DSCAML1: variants seen among roughly 807,000 people sequenced by gnomAD.
DSCAML1 encodes cell adhesion molecule DSCAML1.
In DSCAML1, 38 loss-of-function variants were observed where a neutral mutation model predicts 200.5. That is an observed-to-expected ratio of 0.19 (90% CI 0.15 to 0.25). DSCAML1 has a LOEUF of 0.25. DSCAML1 is among the 10% of genes least tolerant of loss of function. DSCAML1 has a pLI of 1.00. For missense variants in DSCAML1, 2,223 were observed against 2,858.8 expected, an observed-to-expected ratio of 0.78 and a Z score of 5.07; for synonymous variants, 1,215 against 1,165.0, an observed-to-expected ratio of 1.04 and a Z score of -0.87.
At chr11:117,521,830 G>A (rs913524875) in intron 5 of DSCAML1, among the ~76,000 whole-genome samples, 4 of 152,182 alleles carry the variant, frequency 2.6e-5, no homozygotes, top group African/African-American at 9.7e-5. Flanking sequence ...GCTATGTGCT[G>A]CTGGTCTGAT....
At chr11:117,472,585 C>T (rs1824822479) in intron 14 of DSCAML1, among the ~76,000 whole-genome samples, 1 of 152,154 alleles carries the variant, frequency 6.6e-6, no homozygotes, top group African/African-American at 2.4e-5. Context: ...CCAGAGTCCC[C>T]AGTCCAAACC....
chr11:117,540,236 C>G (rs2050242963), intron 3 of DSCAML1, among the ~76,000 whole-genome samples: 1 of 152,174 alleles, frequency 6.6e-6, no homozygotes, highest in South Asian at 2.1e-4. Flanking sequence ...AGGTGAGTGG[C>G]AGGCGAGCGA....
chr11:117,688,297 G>T (rs1166573988), intron 3 of DSCAML1, among the ~76,000 whole-genome samples: 1 of 152,190 alleles, frequency 6.6e-6, no homozygotes, highest in Non-Finnish European at 1.5e-5. Context: ...GGCAGGCCTG[G>T]CAGCTCACCA....
intron 3 of DSCAML1, among the ~76,000 whole-genome samples, chr11:117,636,542 A>G (rs1035475983): frequency 1.3e-5 from 2 of 152,120 alleles, no homozygotes; most frequent in African/African-American, 4.8e-5. Context: ...CCCATGCCCC[A>G]CAGACACCAC....
chr11:117,515,522 T>C (rs568256002), intron 8 of DSCAML1, among the ~76,000 whole-genome samples: 1 of 151,274 alleles, frequency 6.6e-6, no homozygotes, highest in South Asian at 2.1e-4. Flanking sequence ...ATTCATTTGA[T>C]CCACAGACTT....
At chr11:117,599,362 T>G (rs898541130) in intron 3 of DSCAML1, among the ~76,000 whole-genome samples, 22 of 152,208 alleles carry the variant, frequency 1.4e-4, no homozygotes, top group African/African-American at 4.3e-4. Context: ...CCAAATGGCT[T>G]CTCCTAATCA....
intron 3 of DSCAML1, among the ~76,000 whole-genome samples, chr11:117,646,864 AAAAC>A (rs1356503356): frequency 1.3e-5 from 2 of 152,128 alleles, no homozygotes; most frequent in African/African-American, 4.8e-5. Context: ...GAAAAAAAAA[AAAAC>A]AAATCCAGAA....
chr11:117,570,256 T>G (rs2050826800), intron 3 of DSCAML1, among the ~76,000 whole-genome samples: 1 of 152,130 alleles, frequency 6.6e-6, no homozygotes, highest in Admixed American at 6.5e-5. Flanking sequence ...CGCTTTAGAT[T>G]TGAGTGTTAG....
chr11:117,763,977 C>T (rs984278535), intron 3 of DSCAML1, among the ~76,000 whole-genome samples: 1 of 152,160 alleles, frequency 6.6e-6, no homozygotes, highest in Non-Finnish European at 1.5e-5. Context: ...CCTCTCAGTC[C>T]CCCAAGAACT....
chr11:117,550,608 G>T (rs892925288), intron 3 of DSCAML1, among the ~76,000 whole-genome samples: 24 of 152,148 alleles, frequency 1.6e-4, no homozygotes, highest in African/African-American at 5.6e-4. Context: ...TGCTTTTTGT[G>T]CATTTATCTT....
At chr11:117,476,868 G>A (rs569392293) in intron 14 of DSCAML1, among the ~76,000 whole-genome samples, 6 of 152,218 alleles carry the variant, frequency 3.9e-5, no homozygotes, top group South Asian at 2.1e-4. Flanking sequence ...AAAGAAGGTC[G>A]GGAGCCGATG....
intron 3 of DSCAML1, among the ~76,000 whole-genome samples, chr11:117,545,647 T>C (rs189412740): frequency 2.7e-4 from 41 of 152,126 alleles, no homozygotes; most frequent in African/African-American, 8.4e-4. Flanking sequence ...TCAGAGAATG[T>C]GATGGGGAAG....
At chr11:117,506,618 G>T (rs1003686923) in intron 8 of DSCAML1, among the ~76,000 whole-genome samples, 1 of 148,010 alleles carries the variant, frequency 6.8e-6, no homozygotes, top group South Asian at 2.2e-4. Flanking sequence ...GTACAGTGGC[G>T]TGAACATGGC....
At chr11:117,506,349 A>G (rs1322534591) in intron 8 of DSCAML1, among the ~76,000 whole-genome samples, 1 of 152,038 alleles carries the variant, frequency 6.6e-6, no homozygotes, top group African/African-American at 2.4e-5. Flanking sequence ...CCTCCTACCA[A>G]TAATGTCCCC....
At chr11:117,671,745 C>T (rs1028026429) in intron 3 of DSCAML1, among the ~76,000 whole-genome samples, 1 of 152,144 alleles carries the variant, frequency 6.6e-6, no homozygotes, top group Non-Finnish European at 1.5e-5. Flanking sequence ...ACCGCATGGC[C>T]ACAGTATTAG....
chr11:117,508,641 G>A (rs1352492121), intron 8 of DSCAML1, among the ~76,000 whole-genome samples: 2 of 152,042 alleles, frequency 1.3e-5, no homozygotes, highest in African/African-American at 2.4e-5. Context: ...TCACAGCACC[G>A]AACAAGCTGC....
chr11:117,605,750 A>G (rs1186892072), intron 3 of DSCAML1, among the ~76,000 whole-genome samples: 2 of 152,158 alleles, frequency 1.3e-5, no homozygotes, highest in African/African-American at 4.8e-5. Context: ...CTCCTGCCCC[A>G]GGGGAGTTGT....
intron 3 of DSCAML1, among the ~76,000 whole-genome samples, chr11:117,742,609 T>A (rs1805931331): frequency 6.6e-6 from 1 of 151,510 alleles, no homozygotes; most frequent in African/African-American, 2.4e-5. Flanking sequence ...ATACAGGGAG[T>A]CAAGCTGGGG....
intron 32 of DSCAML1, among the ~76,000 whole-genome samples, chr11:117,430,502 G>A (rs2047763954): frequency 6.6e-6 from 1 of 152,240 alleles, no homozygotes. Flanking sequence ...GAGGTTAAAT[G>A]ACTTGCCCAA....
Sources: allele counts gnomAD v4.1 joint callset (sites outside exome capture counted in the v4.1 genomes callset), GRCh38; gene constraint gnomAD v4.1.1; transcripts MANE v1.5; gene names NCBI Gene and HGNC (gene_info 2026-07-23, HGNC 2026-07-21).